The following ZNF407 variants were observed in gnomAD, a reference collection of about 807,000 sequenced individuals.
ZNF407 encodes zinc finger protein 407.
ZNF407 carries 17 observed loss-of-function variants against 131.2 expected under a neutral mutation model. That is an observed-to-expected ratio of 0.13 (90% CI 0.09 to 0.19). ZNF407 has a LOEUF of 0.19. Ranked by LOEUF, ZNF407 falls within the 10% of genes least tolerant of loss-of-function variation. The pLI, the probability that ZNF407 is intolerant of heterozygous loss-of-function variation, is 1.00. For missense variants in ZNF407, 2,681 were observed against 2,830.6 expected, an observed-to-expected ratio of 0.95 and a Z score of 1.20; for synonymous variants, 1,156 against 1,062.0, an observed-to-expected ratio of 1.09 and a Z score of -1.72.
intron 3 of ZNF407, among the ~76,000 whole-genome samples, chr18:74,756,939 A>G (rs1302509317): frequency 6.6e-6 from 1 of 152,056 alleles, no homozygotes; most frequent in African/African-American, 2.4e-5. Context: ...GTTAGTAGTA[A>G]TATTCACCCT....
At chr18:74,874,017 G>A (rs1971122417) in intron 4 of ZNF407, among the ~76,000 whole-genome samples, 1 of 152,140 alleles carries the variant, frequency 6.6e-6, no homozygotes, top group Admixed American at 6.5e-5. Flanking sequence ...AACATCTAGT[G>A]AAGCCCAAGG....
intron 3 of ZNF407, among the ~76,000 whole-genome samples, chr18:74,734,599 G>C (rs559228237): frequency 9.2e-5 from 14 of 151,984 alleles, no homozygotes; most frequent in African/African-American, 3.4e-4. Flanking sequence ...GGAAATAACT[G>C]ACTGTCCTCA....
chr18:74,671,468 A>G (rs754477830), intron 3 of ZNF407, among the ~76,000 whole-genome samples: 3 of 152,116 alleles, frequency 2.0e-5, no homozygotes, highest in Non-Finnish European at 4.4e-5. Context: ...TATTAAACCT[A>G]GTACCCAACA....
At chr18:74,979,165 G>T (rs184819963) in intron 8 of ZNF407, among the ~76,000 whole-genome samples, 127 of 152,188 alleles carry the variant, frequency 8.3e-4, no homozygotes, top group African/African-American at 3.0e-3. Flanking sequence ...ACCTGTACCC[G>T]CTTCCTACAC....
intron 5 of ZNF407, among the ~76,000 whole-genome samples, chr18:74,879,480 C>G (rs1568252577): frequency 6.6e-6 from 1 of 151,982 alleles, no homozygotes; most frequent in Non-Finnish European, 1.5e-5. Flanking sequence ...TATTAACGAG[C>G]AAATTGTCTT....
intron 3 of ZNF407, among the ~76,000 whole-genome samples, chr18:74,693,283 T>TC (rs1967273959): frequency 6.6e-6 from 1 of 152,264 alleles, no homozygotes; most frequent in Non-Finnish European, 1.5e-5. Flanking sequence ...ATTATCCGAC[T>TC]CTTTCTCATT....
At chr18:74,756,250 CAT>C (rs1333809315) in intron 3 of ZNF407, among the ~76,000 whole-genome samples, 2 of 152,066 alleles carry the variant, frequency 1.3e-5, no homozygotes, top group East Asian at 3.9e-4. Flanking sequence ...GTAGTTGAAA[CAT>C]GTGAGTCCTT....
rs558930647 is a variant in ZNF407, at chr18:74,685,330, T to C, written c.4802+44208T>C. ...GATGTGGTTATGTGTTCATCTGTAC[T>C]TTCAAAGTATATTCAGAGCCCAGCT... On this transcript the variant is annotated intron_variant, in intron 3 of 8. Transcript: ENST00000299687. Among the ~76,000 whole-genome samples the C allele has an allele frequency of 1.4e-3, 207 of 152,326 alleles. 1 individual carries two copies. The highest frequency in any genetic ancestry group is 4.6e-3 in the African/African-American group (191 of 41,574).
chr18:74,776,298 G>A (rs950533178), intron 3 of ZNF407, among the ~76,000 whole-genome samples: 1 of 152,154 alleles, frequency 6.6e-6, no homozygotes, highest in African/African-American at 2.4e-5. Flanking sequence ...CTCCAGAACT[G>A]TAAGCAATAA....
Position 74,872,134 on chromosome 18 carries a change from G to A in ZNF407, c.4878-5063G>A, listed in dbSNP as rs186067947. Among the ~76,000 whole-genome samples the A allele has an allele frequency of 1.5e-3, 222 of 152,092 alleles. 4 individuals carry two copies. The East Asian group carries it at 0.032, about 22-fold the overall frequency. On this transcript the variant is annotated intron_variant, in intron 4 of 8. Coordinates refer to ENST00000299687, the MANE Select transcript of ZNF407 (RefSeq NM_017757.3). ...AAATTTTAGAACTACAGTTAGCACT[G>A]TGCTGCCGTCAGCCCCGCCCCCCTC...
Position 74,598,788 on chromosome 18 carries a change from G to A in ZNF407, c.-54+851G>A, listed in dbSNP as rs1036031253. Among the ~76,000 whole-genome samples the A allele has an allele frequency of 1.1e-4, 16 of 152,254 alleles. 1 individual carries two copies. Among genetic ancestry groups the A allele is most frequent in the African/African-American group, 3.9e-4 (16 of 41,474 alleles). ...TTTCCAGCCAGCTAGCACGCCCTGG[G>A]TGCTTGGCCTCCTTCTGGAGTTTAA... is the stretch of plus-strand genomic sequence containing the variant. On this transcript the variant is annotated intron_variant, in intron 1 of 8. Coordinates refer to ENST00000299687, the MANE Select transcript of ZNF407 (RefSeq NM_017757.3).
At chr18:74,999,348 TAAAAAAAAAAAAA>T (rs71170334) in intron 8 of ZNF407, among the ~76,000 whole-genome samples, 2 of 60,448 alleles carry the variant, frequency 3.3e-5, no homozygotes, top group Non-Finnish European at 3.6e-5. Context: ...TAGAGTATAA[TAAAAAAAAAAAAA>T]AAAAAAAAAA....
chr18:74,654,122 G>A (rs779062491), intron 3 of ZNF407, among the ~76,000 whole-genome samples: 1 of 151,760 alleles, frequency 6.6e-6, no homozygotes, highest in South Asian at 2.1e-4. Context: ...TACTAAAAAA[G>A]AGAAATTGGT....
intron 8 of ZNF407, among the ~76,000 whole-genome samples, chr18:75,040,788 CTCTT>C (rs1200194056): frequency 2.0e-5 from 3 of 152,104 alleles, no homozygotes; most frequent in Admixed American, 6.5e-5. Flanking sequence ...TTTTTTTACA[CTCTT>C]TCTAATACTT....
intron 4 of ZNF407, among the ~76,000 whole-genome samples, chr18:74,824,984 C>T (rs545641416): frequency 6.6e-6 from 1 of 152,298 alleles, no homozygotes; most frequent in African/African-American, 2.4e-5. Flanking sequence ...CAAACCAAAT[C>T]CAGCAGCACA....
intron 3 of ZNF407, among the ~76,000 whole-genome samples, chr18:74,710,750 C>G (rs1396400121): frequency 2.6e-5 from 4 of 152,134 alleles, no homozygotes; most frequent in Admixed American, 2.6e-4. Context: ...TTAGTAATTT[C>G]TTCTTAGTAT....
chr18:74,738,042 T>A (rs1968457781), intron 3 of ZNF407, among the ~76,000 whole-genome samples: 1 of 152,060 alleles, frequency 6.6e-6, no homozygotes, highest in Admixed American at 6.6e-5. Context: ...AAGAAAAATG[T>A]AAGGAAGGAT....
At chr18:74,678,368 A>C (rs1966901424) in intron 3 of ZNF407, among the ~76,000 whole-genome samples, 1 of 152,050 alleles carries the variant, frequency 6.6e-6, no homozygotes, top group South Asian at 2.1e-4. Flanking sequence ...GTTTCAACCT[A>C]ATGTACATTG....
chr18:74,774,952 C>T (rs1341258096), intron 3 of ZNF407, among the ~76,000 whole-genome samples: 1 of 152,142 alleles, frequency 6.6e-6, no homozygotes, highest in Admixed American at 6.5e-5. Context: ...AAGCAGGCAT[C>T]CCAAAACGTT....
Sources: gnomAD v4.1 joint callset for allele counts (sites outside exome capture counted in the v4.1 genomes callset) on GRCh38, gnomAD v4.1.1 for gene constraint, MANE v1.5 for transcripts, NCBI Gene and HGNC (gene_info 2026-07-23, HGNC 2026-07-21) for gene names.